KCNT2: variants seen among roughly 807,000 people sequenced by gnomAD.
The protein encoded by KCNT2 is potassium channel subfamily T member 2.
In KCNT2, 67 loss-of-function variants were observed where a neutral mutation model predicts 153.8. The observed-to-expected ratio is 0.44, with a 90% CI of 0.36 to 0.53. KCNT2 has a LOEUF of 0.53. Among genes scored for constraint, KCNT2 ranks in the 20% least tolerant of loss-of-function variants. The pLI, the probability that KCNT2 is intolerant of heterozygous loss-of-function variation, is 0.00. For missense variants in KCNT2, 975 were observed against 1,354.8 expected, an observed-to-expected ratio of 0.72 and a Z score of 4.40; for synonymous variants, 500 against 458.8, an observed-to-expected ratio of 1.09 and a Z score of -1.15.
intron 20 of KCNT2, 107 bp downstream of exon 20, chr1:196,319,377 G>T (rs1663054255): frequency 3.4e-6 from 2 of 586,332 alleles, no homozygotes; most frequent in Non-Finnish European, 6.1e-6. Context: ...TATCATATTT[G>T]CAATACTGAC....
At chr1:196,412,654 C>A (rs766701608) in intron 12 of KCNT2, among the ~76,000 whole-genome samples, 80 of 151,376 alleles carry the variant, frequency 5.3e-4, no homozygotes, top group Non-Finnish European at 9.8e-4. Context: ...CCAGCACACA[C>A]AAATGTACAG....
In KCNT2 at chr1:196,509,332, C is replaced by T. The variant is rs189503117; in HGVS notation, c.96-16991G>A. Among the ~76,000 whole-genome samples, 258 of 147,290 alleles carry T rather than the reference C, an allele frequency of 1.8e-3. 1 individual carries two copies. The highest frequency in any genetic ancestry group is 3.6e-3 in the Middle Eastern group (1 of 274). On this transcript the variant is annotated intron_variant, in intron 1 of 27. Transcript: ENST00000294725. ...AGAGCAAATTTAAATATGAAACAGACGAAGCTTAAATATCCACTGACAGGG... is the reference window on the plus strand; with the variant it reads ...AGAGCAAATTTAAATATGAAACAGATGAAGCTTAAATATCCACTGACAGGG...
chr1:196,510,378 A>G (rs913943083), intron 1 of KCNT2, among the ~76,000 whole-genome samples: 1 of 152,102 alleles, frequency 6.6e-6, no homozygotes, highest in Non-Finnish European at 1.5e-5. Flanking sequence ...CAAATCATAA[A>G]CAATGAAACT....
intron 8 of KCNT2, among the ~76,000 whole-genome samples, chr1:196,435,615 G>T (rs1049974577): frequency 2.6e-5 from 4 of 151,548 alleles, no homozygotes; most frequent in Non-Finnish European, 5.9e-5. Context: ...CCATGTTGAC[G>T]TACAAATCAA....
chr1:196,539,573 A>G (rs1379945244), intron 1 of KCNT2, among the ~76,000 whole-genome samples: 3 of 152,152 alleles, frequency 2.0e-5, no homozygotes, highest in East Asian at 3.8e-4. Flanking sequence ...ATTTAATGGT[A>G]TACAGTATTC....
At chr1:196,252,307 A>G (rs1656045041) in intron 26 of KCNT2, among the ~76,000 whole-genome samples, 1 of 151,740 alleles carries the variant, frequency 6.6e-6, no homozygotes, top group Non-Finnish European at 1.5e-5. Context: ...AGACCATATG[A>G]TAACTGTTGC....
chr1:196,422,710 T>A (rs1459350333), intron 12 of KCNT2, among the ~76,000 whole-genome samples: 1 of 151,882 alleles, frequency 6.6e-6, no homozygotes, highest in Non-Finnish European at 1.5e-5. Context: ...GCCTGATCCA[T>A]CTGCTTTGTC....
chr1:196,555,432 T>C (rs917412189), intron 1 of KCNT2, among the ~76,000 whole-genome samples: 2 of 151,184 alleles, frequency 1.3e-5, no homozygotes, highest in African/African-American at 2.4e-5. Flanking sequence ...TACATAGGAA[T>C]TAATGTAACC....
Position 196,315,947 on chromosome 1 carries a change from C to T in KCNT2, c.2428G>A (p.Glu810Lys), listed in dbSNP as rs147044019. ...VVDKESTMSA[E>K]EDYMADAKTI... ...TTGGCATCTGCCATGTAGTCTTCCT[C>T]GGCACTCATGGTGCTCTCTTTATCC... The change falls in exon 21 of 28, where the codon GAG becomes AAG. Residue 810 changes from glutamate to lysine, a missense_variant. Coordinates refer to ENST00000294725, the MANE Select transcript of KCNT2 (RefSeq NM_198503.5). 4.1e-5 allele frequency: 66 copies of T among 1,609,936 alleles called. No individual in the cohort carries two copies. Among genetic ancestry groups the T allele is most frequent in the South Asian group, 4.4e-5 (4 of 90,882 alleles).
At chr1:196,545,980 T>C (rs963543111) in intron 1 of KCNT2, among the ~76,000 whole-genome samples, 2 of 152,078 alleles carry the variant, frequency 1.3e-5, no homozygotes, top group African/African-American at 4.8e-5. Flanking sequence ...CTGCTGTAAA[T>C]ATTAACGTAC....
intron 1 of KCNT2, among the ~76,000 whole-genome samples, chr1:196,557,142 TG>T (rs1328894382): frequency 6.6e-6 from 1 of 151,252 alleles, no homozygotes; most frequent in African/African-American, 2.4e-5. Flanking sequence ...ACAGTATAAT[TG>T]AATTGTTCAG....
At position 196,561,977 on chromosome 1, in the gene KCNT2, G is replaced by C. The variant is rs191502863; in HGVS notation, c.95+46238C>G. Among the ~76,000 whole-genome samples the C allele has an allele frequency of 6.0e-4, 91 of 151,814 alleles. 2 individuals carry two copies. The highest frequency in any genetic ancestry group is 2.1e-4 in the Non-Finnish European group (14 of 67,944). ...AGAAGGGAGTGTCTGGGTTAAGATC[G>C]GGGATGAGGAGACCAAGGTTCTTAA... On this transcript the variant is annotated intron_variant, in intron 1 of 27. Transcript: ENST00000294725.
chr1:196,318,782 C>T (rs988535998), intron 20 of KCNT2, among the ~76,000 whole-genome samples: 1 of 151,762 alleles, frequency 6.6e-6, no homozygotes, highest in African/African-American at 2.4e-5. Flanking sequence ...TTTTCTTCAA[C>T]ATCTACAGGA....
intron 1 of KCNT2, among the ~76,000 whole-genome samples, chr1:196,514,829 G>T (rs1483309418): frequency 1.3e-5 from 2 of 152,016 alleles, no homozygotes; most frequent in Non-Finnish European, 2.9e-5. Context: ...TCTGCTAAAT[G>T]TGTCTTTTAG....
chr1:196,435,753 A>C (rs570444190), intron 8 of KCNT2, among the ~76,000 whole-genome samples: 1 of 151,870 alleles, frequency 6.6e-6, no homozygotes, highest in Non-Finnish European at 1.5e-5. Flanking sequence ...TGGAAGAAAC[A>C]AATTACTCAA....
At chr1:196,515,944 ACTC>A (rs1465504639) in intron 1 of KCNT2, among the ~76,000 whole-genome samples, 4 of 152,176 alleles carry the variant, frequency 2.6e-5, no homozygotes, top group African/African-American at 9.6e-5. Flanking sequence ...CCCCTGGTGA[ACTC>A]CTACACCAGG....
intron 21 of KCNT2, among the ~76,000 whole-genome samples, chr1:196,313,861 A>G (rs1159748491): frequency 1.3e-5 from 2 of 151,624 alleles, no homozygotes; most frequent in Non-Finnish European, 3.0e-5. Flanking sequence ...TATATATACC[A>G]TAAAAACTAT....
chr1:196,377,566 G>A (rs1016858954), intron 13 of KCNT2, among the ~76,000 whole-genome samples: 1 of 151,936 alleles, frequency 6.6e-6, no homozygotes, highest in Non-Finnish European at 1.5e-5. Context: ...AAAAGGGCAA[G>A]TATACTAATG....
intron 12 of KCNT2, among the ~76,000 whole-genome samples, chr1:196,419,683 T>C (rs1428905812): frequency 2.6e-5 from 4 of 151,998 alleles, no homozygotes; most frequent in Non-Finnish European, 2.9e-5. Flanking sequence ...TGAAAAAATA[T>C]TTCCCTTCAG....
Sources: allele counts gnomAD v4.1 joint callset (sites outside exome capture counted in the v4.1 genomes callset), GRCh38; gene constraint gnomAD v4.1.1; transcripts MANE v1.5; gene names NCBI Gene and HGNC (gene_info 2026-07-23, HGNC 2026-07-21).